The following CLDN14 variants were observed in gnomAD, a reference collection of about 807,000 sequenced individuals.
CLDN14 encodes the protein claudin 14, also known as claudin-14.
In CLDN14, 2 loss-of-function variants were observed where a neutral mutation model predicts 2.1. That is an observed-to-expected ratio of 0.96 (90% CI 0.39 to 3.01). The LOEUF is 3.01. CLDN14 is among the 30% of genes most tolerant of loss of function. The probability of loss-of-function intolerance (pLI) is 0.09; values close to 1 mark genes in which losing one functional copy is unlikely to be tolerated. For missense variants in CLDN14, 298 were observed against 328.0 expected, an observed-to-expected ratio of 0.91 and a Z score of 0.71; for synonymous variants, 136 against 154.4, an observed-to-expected ratio of 0.88 and a Z score of 0.88.
intron 1 of CLDN14, among the ~76,000 whole-genome samples, chr21:36,469,607 CAAG>C (rs796266371): frequency 9.2e-5 from 14 of 152,224 alleles, no homozygotes; most frequent in African/African-American, 3.1e-4. Context: ...TTTTTTATAA[CAAG>C]AACTGATTCG....
chr21:36,485,240 G>T (rs1204534349), intron 2 of CLDN14, among the ~76,000 whole-genome samples: 1 of 150,638 alleles, frequency 6.6e-6, no homozygotes, highest in East Asian at 1.9e-4. Flanking sequence ...TGGCGTCTTA[G>T]TCTGTCACCT....
At chr21:36,466,477 A>G (rs146235327) in intron 1 of CLDN14, 1 of 152,310 alleles carries the variant, frequency 6.6e-6, no homozygotes, top group African/African-American at 2.4e-5. Flanking sequence ...GGCTGAGCCG[A>G]GGGTGAGGCC....
chr21:36,469,004 C>T (rs1408955971), intron 1 of CLDN14, among the ~76,000 whole-genome samples: 1 of 152,150 alleles, frequency 6.6e-6, no homozygotes, highest in Non-Finnish European at 1.5e-5. Context: ...AAGTGATCCA[C>T]CCACCTCTGC....
intron 2 of CLDN14, among the ~76,000 whole-genome samples, chr21:36,490,385 A>ATTTTTTTTTTTTTT (rs71198817): frequency 3.9e-5 from 4 of 102,052 alleles, no homozygotes; most frequent in African/African-American, 7.9e-5. Context: ...TTTTTTTTTA[A>ATTTTTTTTTTTTTT]TTTTTTTTTT....
chr21:36,571,005 C>A (rs543843116), intron 1 of CLDN14, among the ~76,000 whole-genome samples: 2 of 152,304 alleles, frequency 1.3e-5, no homozygotes, highest in Admixed American at 6.5e-5. Flanking sequence ...CCACGCCCGG[C>A]TGATTTTTGT....
At chr21:36,504,703 G>A (rs986021581) in intron 2 of CLDN14, among the ~76,000 whole-genome samples, 6 of 152,158 alleles carry the variant, frequency 3.9e-5, no homozygotes, top group African/African-American at 1.2e-4. Flanking sequence ...CACATTTTGC[G>A]TGTAACTCAT....
chr21:36,488,388 CA>C (rs1309327017), intron 2 of CLDN14, among the ~76,000 whole-genome samples: 3 of 152,116 alleles, frequency 2.0e-5, no homozygotes, highest in Non-Finnish European at 4.4e-5. Context: ...TCTCCTGCCT[CA>C]GCCTCCCGAG....
intron 2 of CLDN14, chr21:36,485,855 T>A: frequency 3.7e-6 from 1 of 272,790 alleles, no homozygotes; most frequent in Non-Finnish European, 6.6e-6. Context: ...TCCATTTCCT[T>A]TTTTTTTTTT....
intron 1 of CLDN14, among the ~76,000 whole-genome samples, chr21:36,475,211 G>A (rs1042660459): frequency 6.6e-6 from 1 of 152,206 alleles, no homozygotes; most frequent in African/African-American, 2.4e-5. Flanking sequence ...GACCTGGTGG[G>A]GATTTTCCTA....
chr21:36,516,208 A>G (rs2087228160), intron 1 of CLDN14, among the ~76,000 whole-genome samples: 1 of 152,220 alleles, frequency 6.6e-6, no homozygotes, highest in Non-Finnish European at 1.5e-5. Context: ...GTATGGATCT[A>G]TTAAAAATTC....
At chr21:36,502,828 A>G (rs561425218) in intron 2 of CLDN14, among the ~76,000 whole-genome samples, 68 of 152,226 alleles carry the variant, frequency 4.5e-4, no homozygotes, top group Non-Finnish European at 8.5e-4. Flanking sequence ...TAAAACATCT[A>G]TGTAATCTTG....
At chr21:36,541,703 A>T (rs2087489851) in intron 1 of CLDN14, among the ~76,000 whole-genome samples, 1 of 152,176 alleles carries the variant, frequency 6.6e-6, no homozygotes, top group African/African-American at 2.4e-5. Context: ...AACCTAAAAA[A>T]CTGGTGTCCC....
At chr21:36,485,300 C>A (rs2146454942) in intron 2 of CLDN14, among the ~76,000 whole-genome samples, 1 of 151,556 alleles carries the variant, frequency 6.6e-6, no homozygotes, top group East Asian at 1.9e-4. Flanking sequence ...TCTTTGCCTC[C>A]CAGGTTCAAG....
At position 36,498,105 on chromosome 21, in the gene CLDN14, A is replaced by G. The variant is rs538101390; in HGVS notation, c.-82+12258T>C. ...ACCTCCACCGCCCGGGGTTCAAGCG[A>G]TTCTCCTGTCTCAGCCTCATGAGTA... On this transcript the variant is annotated intron_variant, in intron 2 of 2. Transcript: ENST00000342108. The surrounding 1 kb of genome is among the most constrained non-coding windows in gnomAD (Gnocchi z 4.9). Among the ~76,000 whole-genome samples, 3 of 151,956 alleles carry G rather than the reference A, an allele frequency of 2.0e-5. No individual in the cohort carries two copies. Among genetic ancestry groups the G allele is most frequent in the Admixed American group, 6.6e-5 (1 of 15,258 alleles).
upstream of CLDN14, among the ~76,000 whole-genome samples, chr21:36,484,242 A>C (rs1243815642): frequency 6.6e-6 from 1 of 152,258 alleles, no homozygotes; most frequent in Non-Finnish European, 1.5e-5. Context: ...ATGCATGTCC[A>C]TTAGATTCTG....
chr21:36,570,485 G>A (rs182218016), intron 1 of CLDN14, among the ~76,000 whole-genome samples: 1 of 152,270 alleles, frequency 6.6e-6, no homozygotes, highest in African/African-American at 2.4e-5. Context: ...TGGTTGAGGG[G>A]TACTTAAACT....
intron 1 of CLDN14, among the ~76,000 whole-genome samples, chr21:36,472,149 A>G (rs1333037474): frequency 1.3e-5 from 2 of 152,222 alleles, no homozygotes; most frequent in Non-Finnish European, 2.9e-5. Flanking sequence ...TAACTTGTCC[A>G]AGGTTACGTC....
Position 36,492,440 on chromosome 21 carries a change from C to CA in CLDN14, c.-82+17922dup, listed in dbSNP as rs58666814. On this transcript the variant is annotated intron_variant, in intron 2 of 2. Transcript: ENST00000342108. Reference sequence around the variant, plus strand: ...TGGGCGACAGAGCGAGACTCCGTCCCAAAAAAAAAAAAAAAAAAAAAAAAA... The same window carrying CA: ...TGGGCGACAGAGCGAGACTCCGTCCCAAAAAAAAAAAAAAAAAAAAAAAAAA... 3.4e-3 allele frequency among the ~76,000 whole-genome samples: 234 copies of CA among 67,888 alleles called. 11 individuals carry two copies. The highest frequency in any genetic ancestry group is 0.015 in the African/African-American group (226 of 15,018). The allele number at this position is 67,888 out of a possible 152,430, so 44.5% of individuals were successfully genotyped here.
At chr21:36,472,054 A>T (rs1377557829) in intron 1 of CLDN14, among the ~76,000 whole-genome samples, 7 of 152,254 alleles carry the variant, frequency 4.6e-5, no homozygotes, top group Admixed American at 4.6e-4. Flanking sequence ...TTCTGTGGGC[A>T]TGCAATGAAC....
Sources: gnomAD v4.1 joint callset for allele counts (sites outside exome capture counted in the v4.1 genomes callset) on GRCh38, gnomAD v4.1.1 for gene constraint, Gnocchi (gnomAD v3.1) non-coding constraint, MANE v1.5 for transcripts, NCBI Gene and HGNC (gene_info 2026-07-23, HGNC 2026-07-21) for gene names.